ZDHHC2: variants seen among roughly 807,000 people sequenced by gnomAD.
ZDHHC2 encodes zDHHC palmitoyltransferase 2, also known as palmitoyltransferase ZDHHC2.
In ZDHHC2, 51 loss-of-function variants were observed where a neutral mutation model predicts 55.6. That is an observed-to-expected ratio of 0.92 (90% CI 0.73 to 1.16). The LOEUF (loss-of-function observed/expected upper bound fraction) is 1.16, where lower values mean the gene tolerates loss of function less well. Ranked by LOEUF, ZDHHC2 falls within the 50% of genes most tolerant of loss-of-function variation. The probability of loss-of-function intolerance (pLI) is 0.00; values close to 1 mark genes in which losing one functional copy is unlikely to be tolerated. For missense variants in ZDHHC2, 491 were observed against 442.4 expected (o/e 1.11, Z -0.99); for synonymous variants, 199 against 152.9 (o/e 1.30, Z -2.22).
intron 1 of ZDHHC2, among the ~76,000 whole-genome samples, chr8:17,178,570 T>C (rs1486529625): frequency 6.6e-6 from 1 of 152,194 alleles, no homozygotes; most frequent in Admixed American, 6.5e-5. Flanking sequence ...TAAGTAGCCA[T>C]GTAAGTGAAT....
chr8:17,178,350 AAT>A (rs1563146858), intron 1 of ZDHHC2, among the ~76,000 whole-genome samples: 1 of 152,168 alleles, frequency 6.6e-6, no homozygotes, highest in Non-Finnish European at 1.5e-5. Flanking sequence ...AGACTAAATT[AAT>A]ATATATAAAT....
intron 11 of ZDHHC2, among the ~76,000 whole-genome samples, chr8:17,216,761 G>A (rs1807669799): frequency 1.3e-5 from 2 of 152,126 alleles, no homozygotes; most frequent in African/African-American, 2.4e-5. Flanking sequence ...TACTTAAAGT[G>A]TAAAGGATGA....
chr8:17,181,675 C>G (rs1454292900), intron 1 of ZDHHC2, among the ~76,000 whole-genome samples: 2 of 152,078 alleles, frequency 1.3e-5, no homozygotes, highest in Non-Finnish European at 2.9e-5. Context: ...GATTAAAACT[C>G]AAAATCCACA....
chr8:17,215,154 G>C (rs1177058542), intron 10 of ZDHHC2, 83 bp from the exon 11 acceptor site: 4 of 1,253,742 alleles, frequency 3.2e-6, no homozygotes, highest in Non-Finnish European at 4.5e-6. Flanking sequence ...AAGTGGTTTT[G>C]GTTCCATACA....
At chr8:17,161,157 A>AC (rs1804325635) in intron 1 of ZDHHC2, among the ~76,000 whole-genome samples, 1 of 152,218 alleles carries the variant, frequency 6.6e-6, no homozygotes, top group Non-Finnish European at 1.5e-5. Context: ...TGAAGTTATG[A>AC]CCTACCATTC....
intron 10 of ZDHHC2, among the ~76,000 whole-genome samples, chr8:17,211,332 C>G (rs559332479): frequency 1.4e-4 from 22 of 152,236 alleles, no homozygotes; most frequent in African/African-American, 4.8e-4. Context: ...TGCTGCAGTG[C>G]CACATACACA....
rs145805124 is a variant in ZDHHC2 at position 17,203,905 on chromosome 8, T to C, written c.477-1750T>C. Among the ~76,000 whole-genome samples the C allele has an allele frequency of 7.3e-5, 11 of 151,682 alleles. 1 individual carries two copies. Among genetic ancestry groups the C allele is most frequent in the African/African-American group, 2.2e-4 (9 of 41,372 alleles). On this transcript the variant is annotated intron_variant, in intron 6 of 12. Transcript: ENST00000262096. ...TCACTGCACCCTCCACCTCCCGGAT[T>C]CAAGCGATTGTCCTGCCTCGGCCTC...
intron 6 of ZDHHC2, among the ~76,000 whole-genome samples, chr8:17,204,696 A>G (rs77468272): frequency 0.12 from 18,119 of 152,190 alleles, 2,530 homozygotes; most frequent in African/African-American, 0.33. Context: ...GCTAAGCAAA[A>G]CAACTAATGG....
chr8:17,215,138 C>T (rs1807588257), intron 10 of ZDHHC2, 99 bp from the exon 11 acceptor site: 3 of 960,326 alleles, frequency 3.1e-6, no homozygotes, highest in Non-Finnish European at 4.7e-6. Flanking sequence ...CATCATCTTG[C>T]ATTGCAAGTG....
At position 17,195,512 on chromosome 8, in the gene ZDHHC2, C is replaced by T; in HGVS notation, c.261C>T (p.Leu87=). The T allele has an allele frequency of 6.2e-7, 1 of 1,613,166 alleles. No individual in the cohort carries two copies. The highest frequency in any genetic ancestry group is 8.5e-7 in the Non-Finnish European group (1 of 1,179,480). ...TTAAATGTATTCCACAGTTCCATCTCTCTTATGCAGAGAAAGATTTGTTGG... is the reference window on the plus strand; with the variant it reads ...TTAAATGTATTCCACAGTTCCATCTTTCTTATGCAGAGAAAGATTTGTTGG... The part of the protein sequence containing the change: ...LPMNPSKEFH[L]SYAEKDLLER... Residue 87 remains leucine, a synonymous_variant, in exon 4 of 13, where the codon CTC becomes CTT. Coordinates refer to ENST00000262096, the MANE Select transcript of ZDHHC2 (RefSeq NM_016353.5).
chr8:17,176,464 C>T (rs1321822156), intron 1 of ZDHHC2, among the ~76,000 whole-genome samples: 1 of 151,964 alleles, frequency 6.6e-6, no homozygotes, highest in Non-Finnish European at 1.5e-5. Flanking sequence ...AAGATTTTTT[C>T]ACCGAGAATA....
At chr8:17,175,886 A>T (rs1805102046) in intron 1 of ZDHHC2, among the ~76,000 whole-genome samples, 1 of 152,192 alleles carries the variant, frequency 6.6e-6, no homozygotes, top group African/African-American at 2.4e-5. Flanking sequence ...GCGTGGAGTC[A>T]GGTGTGGAGC....
chr8:17,201,564 C>T (rs1347691162), intron 6 of ZDHHC2, among the ~76,000 whole-genome samples: 1 of 133,770 alleles, frequency 7.5e-6, no homozygotes, highest in Non-Finnish European at 1.5e-5. Flanking sequence ...GCGATCTTGG[C>T]TCACTGCAAG....
In ZDHHC2 at chr8:17,195,594, C is replaced by T; in HGVS notation, c.343C>T (p.Leu115Phe). ...QEVLRRAAKDLPIYTRTMSGA... is the reference protein window; with the variant it reads ...QEVLRRAAKDFPIYTRTMSGA... Reference sequence around the variant, plus strand: ...AGTTCTTAGGCGAGCAGCCAAGGATCTTCCCATCTATACCAGGACCATGTC... The same window carrying T: ...AGTTCTTAGGCGAGCAGCCAAGGATTTTCCCATCTATACCAGGACCATGTC... The change falls in exon 4 of 13, where the codon CTT becomes TTT. Residue 115 changes from leucine to phenylalanine, a missense_variant. Physicochemically the swap from Leu to Phe is conservative, Grantham distance 22. Coordinates refer to ENST00000262096, the MANE Select transcript of ZDHHC2 (RefSeq NM_016353.5). The T allele has an allele frequency of 6.2e-7, 1 of 1,613,936 alleles. No homozygotes were observed. Among genetic ancestry groups the T allele is most frequent in the East Asian group, 2.2e-5 (1 of 44,866 alleles).
At chr8:17,199,615 C>CTTCTTCTTCTTCCTTTCTTCTTCCT (rs1554466236) in intron 6 of ZDHHC2, among the ~76,000 whole-genome samples, 2 of 50,708 alleles carry the variant, frequency 3.9e-5, no homozygotes, top group Non-Finnish European at 8.1e-5. Context: ...CTTTCTTCTT[C>CTTCTTCTTCTTCCTTTCTTCTTCCT]TTCTTCTTCC....
intron 8 of ZDHHC2, among the ~76,000 whole-genome samples, chr8:17,209,619 A>C (rs527291537): frequency 1.3e-5 from 2 of 152,218 alleles, no homozygotes; most frequent in African/African-American, 4.8e-5. Context: ...CCATTTATCT[A>C]TCTATTGATC....
intron 1 of ZDHHC2, among the ~76,000 whole-genome samples, chr8:17,158,779 G>C (rs1804191587): frequency 1.3e-5 from 2 of 152,150 alleles, no homozygotes; most frequent in East Asian, 1.9e-4. Flanking sequence ...ATCACTTCTT[G>C]TCCCTGCCTG....
At chr8:17,194,341 TATAA>T (rs1806195663) in intron 3 of ZDHHC2, among the ~76,000 whole-genome samples, 1 of 141,552 alleles carries the variant, frequency 7.1e-6, no homozygotes, top group Non-Finnish European at 1.5e-5. Context: ...TATATAAATA[TATAA>T]ATATATATAT....
chr8:17,184,415 A>G (rs964264179), intron 1 of ZDHHC2, among the ~76,000 whole-genome samples: 1 of 152,232 alleles, frequency 6.6e-6, no homozygotes, highest in Non-Finnish European at 1.5e-5. Flanking sequence ...ATCAAGAGCA[A>G]TAAATGCCTG....
Sources: gnomAD v4.1 joint callset for allele counts (sites outside exome capture counted in the v4.1 genomes callset) on GRCh38, gnomAD v4.1.1 for gene constraint, MANE v1.5 for transcripts, NCBI Gene and HGNC (gene_info 2026-07-23, HGNC 2026-07-21) for gene names.